Variants in KSR2 observed in about 807,000 individuals in gnomAD.
The protein encoded by KSR2 is kinase suppressor of ras 2.
Under a neutral mutation model 107.8 loss-of-function variants are expected in KSR2, and 25 were observed. The observed-to-expected ratio is 0.23, with a 90% confidence interval of 0.17 to 0.32. The LOEUF (loss-of-function observed/expected upper bound fraction) is 0.32, where lower values mean the gene tolerates loss of function less well. KSR2 is among the 10% of genes least tolerant of loss of function. KSR2 has a pLI of 1.00. For synonymous variants in KSR2, 480 were observed against 507.0 expected (o/e 0.95, Z 0.71); for missense variants, 887 against 1,268.9 (o/e 0.70, Z 4.57).
At chr12:117,467,598 T>C (rs1413613131) in intron 19 of KSR2, among the ~76,000 whole-genome samples, 1 of 152,130 alleles carries the variant, frequency 6.6e-6, no homozygotes, top group Non-Finnish European at 1.5e-5. Flanking sequence ...CTTTTCCCAC[T>C]TGGGCATGGA....
chr12:117,673,357 A>G (rs1372264626), intron 4 of KSR2, among the ~76,000 whole-genome samples: 2 of 152,100 alleles, frequency 1.3e-5, no homozygotes, highest in African/African-American at 4.8e-5. Context: ...AAGATGAAAG[A>G]ATTAAAGGAT....
At chr12:117,739,222 G>T (rs1203383688) in intron 4 of KSR2, among the ~76,000 whole-genome samples, 1 of 152,032 alleles carries the variant, frequency 6.6e-6, no homozygotes, top group Non-Finnish European at 1.5e-5. Flanking sequence ...GGGCGTGGTA[G>T]CGGGCGCCTG....
chr12:117,606,650 T>G (rs1881292738), intron 5 of KSR2, among the ~76,000 whole-genome samples: 1 of 122,608 alleles, frequency 8.2e-6, no homozygotes, highest in Non-Finnish European at 1.7e-5. Flanking sequence ...TTTCCCTTCT[T>G]CCTTCCCTCC....
intron 1 of KSR2, among the ~76,000 whole-genome samples, chr12:117,896,333 G>A (rs912395973): frequency 1.1e-4 from 17 of 152,148 alleles, no homozygotes; most frequent in African/African-American, 4.1e-4. Flanking sequence ...ATAAATACAT[G>A]GAGACAAGAA....
At position 117,527,302 on chromosome 12, in the gene KSR2, G is replaced by GAC. The variant is rs754390805; in HGVS notation, c.1803-185_1803-184dup. On this transcript the variant is annotated intron_variant, in intron 12 of 19. Coordinates refer to ENST00000339824, the MANE Select transcript of KSR2 (RefSeq NM_173598.6). ...CTCGACACACACACACACACACACA[G>GAC]ACACACACACACACACACACACAGA... Among the ~76,000 whole-genome samples the GAC allele has an allele frequency of 8.6e-3, 580 of 67,720 alleles. 1 individual carries two copies. The highest frequency in any genetic ancestry group is 0.023 in the East Asian group (77 of 3,396). 44.4% of individuals were successfully genotyped at this position (67,720 alleles called of 152,430 possible).
intron 4 of KSR2, among the ~76,000 whole-genome samples, chr12:117,726,470 C>G (rs936565309): frequency 6.6e-6 from 1 of 152,134 alleles, no homozygotes; most frequent in African/African-American, 2.4e-5. Flanking sequence ...GCTGGATAAC[C>G]CATTACTGGG....
chr12:117,469,309 T>TCGTGGAG lies in KSR2; in HGVS notation c.2846+346_2846+352dup, dbSNP rs1349277836. On this transcript the variant is annotated intron_variant, in intron 19 of 19. Coordinates refer to ENST00000339824, the MANE Select transcript of KSR2 (RefSeq NM_173598.6). ...AGGAAGAGTTCCAGAAAGCTGGGCC[T>TCGTGGAG]CGTGGAGGGGTACTCTGAATACCTG... Among the ~76,000 whole-genome samples the TCGTGGAG allele has an allele frequency of 4.6e-5, 7 of 152,278 alleles. No homozygotes were observed. The East Asian group carries it at 1.4e-3, about 29-fold the overall frequency.
chr12:117,469,647 A>G lies in KSR2; in HGVS notation c.2846+15T>C, dbSNP rs768860611. 3 of 1,610,796 alleles carry G rather than the reference A, an allele frequency of 1.9e-6. No individual in the cohort carries two copies. The highest frequency in any genetic ancestry group is 2.5e-6 in the Non-Finnish European group (3 of 1,178,454). ...GACAAGGCAGTGGGGAGAGACATTA[A>G]GGGAGAAAACCTACTCTGCAGACTT... On this transcript the variant is annotated intron_variant, in intron 19 of 19. Coordinates refer to ENST00000339824, the MANE Select transcript of KSR2 (RefSeq NM_173598.6).
At chr12:117,536,487 T>C (rs1368425649) in intron 10 of KSR2, among the ~76,000 whole-genome samples, 3 of 152,222 alleles carry the variant, frequency 2.0e-5, no homozygotes, top group Non-Finnish European at 2.9e-5. Flanking sequence ...ATCGTAGAAG[T>C]GCATGAGATA....
chr12:117,687,508 G>A (rs1161050657), intron 4 of KSR2, among the ~76,000 whole-genome samples: 2 of 152,158 alleles, frequency 1.3e-5, no homozygotes. Flanking sequence ...AAACAGTATA[G>A]AGGGTGGGCT....
At chr12:117,847,579 G>A (rs1892749229) in intron 3 of KSR2, among the ~76,000 whole-genome samples, 2 of 152,136 alleles carry the variant, frequency 1.3e-5, no homozygotes, top group African/African-American at 2.4e-5. Flanking sequence ...GCCACCCATC[G>A]ACTCTGCAGC....
At chr12:117,792,739 T>A (rs1468517516) in intron 3 of KSR2, among the ~76,000 whole-genome samples, 1 of 152,244 alleles carries the variant, frequency 6.6e-6, no homozygotes, top group African/African-American at 2.4e-5. Flanking sequence ...TATGTCATAA[T>A]GTGATTGATG....
intron 3 of KSR2, among the ~76,000 whole-genome samples, chr12:117,806,385 A>T (rs912760395): frequency 6.6e-6 from 1 of 152,214 alleles, no homozygotes; most frequent in Non-Finnish European, 1.5e-5. Context: ...CCAGGTGACT[A>T]ACTGCAACCA....
intron 3 of KSR2, among the ~76,000 whole-genome samples, chr12:117,771,820 T>G (rs1889461205): frequency 6.6e-6 from 1 of 151,870 alleles, no homozygotes; most frequent in Non-Finnish European, 1.5e-5. Context: ...CCCCTCCCCG[T>G]AGCCTACAGT....
chr12:117,517,663 T>C (rs781380051), intron 14 of KSR2: 11 of 362,138 alleles, frequency 3.0e-5, no homozygotes, highest in Non-Finnish European at 5.4e-5. Context: ...AGTCCCAGGG[T>C]GCTTTACATT....
chr12:117,509,416 G>C (rs1243415584), intron 14 of KSR2, among the ~76,000 whole-genome samples: 2 of 152,162 alleles, frequency 1.3e-5, no homozygotes, highest in Non-Finnish European at 2.9e-5. Flanking sequence ...GGCTGGAAAA[G>C]GGACCGAAAG....
At chr12:117,664,932 TG>T (rs970228014) in intron 5 of KSR2, among the ~76,000 whole-genome samples, 4 of 152,030 alleles carry the variant, frequency 2.6e-5, no homozygotes, top group Non-Finnish European at 4.4e-5. Flanking sequence ...GCGGCAACAC[TG>T]AGATTCCAAC....
At chr12:117,548,226 T>C (rs1164718148) in intron 9 of KSR2, among the ~76,000 whole-genome samples, 2 of 152,164 alleles carry the variant, frequency 1.3e-5, no homozygotes, top group African/African-American at 4.8e-5. Context: ...TTTTTAGCTG[T>C]ACAGTTGACC....
intron 7 of KSR2, among the ~76,000 whole-genome samples, chr12:117,573,905 A>G (rs1879072777): frequency 6.6e-6 from 1 of 152,190 alleles, no homozygotes; most frequent in African/African-American, 2.4e-5. Context: ...GATGATGAAA[A>G]AGATTCCTAT....
Sources: gnomAD v4.1 joint callset for allele counts (sites outside exome capture counted in the v4.1 genomes callset) on GRCh38, gnomAD v4.1.1 for gene constraint, MANE v1.5 for transcripts, NCBI Gene and HGNC (gene_info 2026-07-23, HGNC 2026-07-21) for gene names.